Variants in UNC5D observed in about 807,000 individuals in gnomAD.
The protein encoded by UNC5D is unc-5 netrin receptor D.
UNC5D carries 39 observed loss-of-function variants against 105.4 expected under a neutral mutation model. The observed-to-expected ratio is 0.37, with a 90% CI of 0.29 to 0.48. The LOEUF (loss-of-function observed/expected upper bound fraction) is 0.48, where lower values mean the gene tolerates loss of function less well. Ranked by LOEUF, UNC5D falls within the 20% of genes least tolerant of loss-of-function variation. The pLI, the probability that UNC5D is intolerant of heterozygous loss-of-function variation, is 0.98. For missense variants in UNC5D, 991 were observed against 1,202.4 expected, an observed-to-expected ratio of 0.82 and a Z score of 2.60; for synonymous variants, 452 against 450.4, an observed-to-expected ratio of 1.00 and a Z score of -0.04.
intron 16 of UNC5D, among the ~76,000 whole-genome samples, chr8:35,775,181 C>T (rs1434384543): frequency 6.6e-6 from 1 of 152,126 alleles, no homozygotes; most frequent in East Asian, 1.9e-4. Context: ...CATTCTTTAA[C>T]CCTTAATGAG....
chr8:35,370,879 C>G (rs1008076603), intron 1 of UNC5D, among the ~76,000 whole-genome samples: 2 of 152,162 alleles, frequency 1.3e-5, no homozygotes, highest in African/African-American at 4.8e-5. Flanking sequence ...GAATTACTTA[C>G]AGTGTACTTG....
chr8:35,493,865 G>C (rs146914162), intron 1 of UNC5D, among the ~76,000 whole-genome samples: 1 of 152,068 alleles, frequency 6.6e-6, no homozygotes, highest in Admixed American at 6.6e-5. Context: ...ATATACCATG[G>C]GCAAAGTTAC....
At chr8:35,423,296 G>C (rs1806033340) in intron 1 of UNC5D, among the ~76,000 whole-genome samples, 1 of 152,122 alleles carries the variant, frequency 6.6e-6, no homozygotes, top group South Asian at 2.1e-4. Flanking sequence ...TCACAGATAA[G>C]CTCAGGGGCC....
At chr8:35,293,415 G>C (rs1461969071) in intron 1 of UNC5D, among the ~76,000 whole-genome samples, 1 of 152,266 alleles carries the variant, frequency 6.6e-6, no homozygotes, top group East Asian at 1.9e-4. Flanking sequence ...CCTTCTTTCA[G>C]CTTGTCTAAT....
At chr8:35,248,284 A>G (rs997209398) in intron 1 of UNC5D, among the ~76,000 whole-genome samples, 8 of 103,626 alleles carry the variant, frequency 7.7e-5, no homozygotes, top group East Asian at 3.5e-4. Flanking sequence ...TAATATATAA[A>G]TATATGTTAT....
chr8:35,670,355 C>A (rs1824700139), intron 4 of UNC5D, among the ~76,000 whole-genome samples: 1 of 152,002 alleles, frequency 6.6e-6, no homozygotes, highest in South Asian at 2.1e-4. Context: ...ATTTTGTTTA[C>A]CTATTTTTTA....
At chr8:35,533,566 G>A (rs1001856731) in intron 1 of UNC5D, among the ~76,000 whole-genome samples, 2 of 152,220 alleles carry the variant, frequency 1.3e-5, no homozygotes, top group African/African-American at 4.8e-5. Context: ...GAGCTGTGGT[G>A]GGCTCCACCC....
chr8:35,717,102 C>T (rs746994981), intron 8 of UNC5D, among the ~76,000 whole-genome samples: 11 of 152,194 alleles, frequency 7.2e-5, no homozygotes, highest in Non-Finnish European at 1.6e-4. Flanking sequence ...CTTAGTAATT[C>T]ACTTCCTCTT....
chr8:35,772,677 G>A (rs886088515), intron 15 of UNC5D, among the ~76,000 whole-genome samples: 1 of 152,110 alleles, frequency 6.6e-6, no homozygotes, highest in Non-Finnish European at 1.5e-5. Context: ...CCTTGGATTA[G>A]TTTTCTTTTG....
At chr8:35,593,140 C>T (rs1018958014) in intron 3 of UNC5D, among the ~76,000 whole-genome samples, 1 of 150,774 alleles carries the variant, frequency 6.6e-6, no homozygotes, top group Admixed American at 6.6e-5. Context: ...ATTTACTTAC[C>T]TATTTTGCTG....
intron 1 of UNC5D, among the ~76,000 whole-genome samples, chr8:35,443,437 TG>T (rs938457055): frequency 1.3e-5 from 2 of 151,270 alleles, no homozygotes; most frequent in Non-Finnish European, 3.0e-5. Context: ...TGAGAGGAGA[TG>T]GGAATCTAAA....
intron 1 of UNC5D, among the ~76,000 whole-genome samples, chr8:35,305,566 T>C (rs1026669963): frequency 4.6e-5 from 1 of 21,538 alleles, no homozygotes; most frequent in Non-Finnish European, 1.0e-4. Flanking sequence ...TTCCTTCCTT[T>C]CTTTCTTTCT....
intron 1 of UNC5D, among the ~76,000 whole-genome samples, chr8:35,502,356 T>C (rs1212997993): frequency 6.6e-6 from 1 of 152,244 alleles, no homozygotes; most frequent in African/African-American, 2.4e-5. Flanking sequence ...AGCAGAGTTG[T>C]CACACATGCG....
In UNC5D at chr8:35,595,566, A is replaced by T. The variant is rs1819438784; in HGVS notation, c.479A>T (p.Asn160Ile). The part of the protein sequence containing the change: ...ASVRIAYLRK[N>I]FEQDPQGREV... Reference sequence around the variant, plus strand: ...TGCTTCTTTGCAGATTTACGGAAAAACTTTGAACAAGACCCACAAGGAAGG... The same window carrying T: ...TGCTTCTTTGCAGATTTACGGAAAATCTTTGAACAAGACCCACAAGGAAGG... The change falls in exon 4 of 17, where the codon AAC becomes ATC. Residue 160 changes from asparagine to isoleucine, a missense_variant. This residue lies in a region of UNC5D where 944 missense variants were observed against 1,131.6 expected (regional missense o/e 0.83). Transcript: ENST00000404895. 1.2e-6 allele frequency: 2 copies of T among 1,613,882 alleles called. No homozygotes were observed. Among genetic ancestry groups the T allele is most frequent in the Non-Finnish European group, 1.7e-6 (2 of 1,179,974 alleles).
At chr8:35,623,162 C>G (rs1035608846) in intron 4 of UNC5D, among the ~76,000 whole-genome samples, 1 of 152,116 alleles carries the variant, frequency 6.6e-6, no homozygotes, top group Admixed American at 6.5e-5. Context: ...TTTCTTCTCC[C>G]TGTCCGATCT....
At chr8:35,738,588 A>C (rs529455645) in intron 11 of UNC5D, among the ~76,000 whole-genome samples, 137 of 152,348 alleles carry the variant, frequency 9.0e-4, no homozygotes, top group African/African-American at 3.0e-3. Flanking sequence ...CAAGAGCCTC[A>C]TGAAGATACA....
At chr8:35,431,929 T>C (rs1806668765) in intron 1 of UNC5D, among the ~76,000 whole-genome samples, 1 of 152,138 alleles carries the variant, frequency 6.6e-6, no homozygotes, top group Non-Finnish European at 1.5e-5. Flanking sequence ...TGACAGAAAC[T>C]AAACAATTTT....
chr8:35,754,734 G>C (rs1384551996), intron 13 of UNC5D, among the ~76,000 whole-genome samples: 2 of 151,908 alleles, frequency 1.3e-5, no homozygotes, highest in Non-Finnish European at 2.9e-5. Flanking sequence ...CCCCCTACAG[G>C]GCTACTCTAT....
At chr8:35,559,020 T>A (rs1190588723) in intron 2 of UNC5D, among the ~76,000 whole-genome samples, 1 of 152,022 alleles carries the variant, frequency 6.6e-6, no homozygotes, top group East Asian at 1.9e-4. Context: ...TTCAAGAGAA[T>A]TTGATTGCTT....
Sources: allele counts gnomAD v4.1 joint callset (sites outside exome capture counted in the v4.1 genomes callset), GRCh38; gene constraint gnomAD v4.1.1; regional missense constraint gnomAD v4.1.1; transcripts MANE v1.5; gene names NCBI Gene and HGNC (gene_info 2026-07-23, HGNC 2026-07-21).